Variants in ITPR1 observed in about 807,000 individuals in gnomAD.
ITPR1 encodes the protein inositol 1,4,5-trisphosphate-gated calcium channel ITPR1.
In ITPR1, 96 loss-of-function variants were observed where a neutral mutation model predicts 318.4. The observed-to-expected ratio is 0.30, with a 90% CI of 0.26 to 0.36. The LOEUF is 0.36. Ranked by LOEUF, ITPR1 falls within the 10% of genes least tolerant of loss-of-function variation. The probability of loss-of-function intolerance (pLI) is 1.00; values close to 1 mark genes in which losing one functional copy is unlikely to be tolerated. For synonymous variants in ITPR1, 1,312 were observed against 1,289.9 expected, an observed-to-expected ratio of 1.02 and a Z score of -0.37; for missense variants, 2,440 against 3,460.2, an observed-to-expected ratio of 0.71 and a Z score of 7.40.
At chr3:4,841,955 G>A (rs1271906558) in intron 61 of ITPR1, among the ~76,000 whole-genome samples, 1 of 152,202 alleles carries the variant, frequency 6.6e-6, no homozygotes, top group Non-Finnish European at 1.5e-5. Context: ...AAATAACTGT[G>A]ATTACTAGAA....
chr3:4,644,036 T>G lies in ITPR1; in HGVS notation c.526-100T>G, dbSNP rs1021442423. 1.2e-5 allele frequency: 9 copies of G among 750,612 alleles called. No individual in the cohort carries two copies. The East Asian group carries it at 2.5e-4, about 21-fold the overall frequency. The allele number at this position is 750,612 out of a possible 1,614,324, so 46.5% of individuals were successfully genotyped here. A position where few individuals can be genotyped will look rare whatever the true frequency, so the allele number is the denominator to read the frequency against. The stretch of plus-strand genomic sequence containing the variant: ...ATACTTGCTGGGGATAGGCCTTGCC[T>G]TCTTCAGCACAGACTCATATGTCTT... On this transcript the variant is annotated intron_variant, in intron 7 of 61. Transcript: ENST00000649015.
chr3:4,834,428 A>G (rs1288713615), intron 60 of ITPR1, among the ~76,000 whole-genome samples: 1 of 151,982 alleles, frequency 6.6e-6, no homozygotes, highest in Non-Finnish European at 1.5e-5. Flanking sequence ...GTCTGCAAAA[A>G]TAGGTAGCAG....
intron 3 of ITPR1, among the ~76,000 whole-genome samples, chr3:4,517,857 A>G (rs1212767878): frequency 1.3e-5 from 2 of 152,102 alleles, no homozygotes; most frequent in African/African-American, 2.4e-5. Context: ...TCTTCTTTTC[A>G]GTAATGACAG....
At chr3:4,759,086 C>T (rs560498907) in intron 44 of ITPR1, among the ~76,000 whole-genome samples, 2 of 152,304 alleles carry the variant, frequency 1.3e-5, no homozygotes, top group South Asian at 4.1e-4. Context: ...CAACTTGCAT[C>T]CAGTGATAAT....
At position 4,662,984 on chromosome 3, in the gene ITPR1, G is replaced by A. The variant is rs41289626; in HGVS notation, c.1413-81G>A. 1.6e-3 allele frequency: 2,173 copies of A among 1,329,610 alleles called. 5 individuals are homozygous for A. Among genetic ancestry groups the A allele is most frequent in the Non-Finnish European group, 1.9e-3 (1,807 of 941,844 alleles). The allele number at this position is 1,329,610 out of a possible 1,614,324, so 82.4% of individuals were successfully genotyped here. On this transcript the variant is annotated intron_variant, in intron 15 of 61. Coordinates refer to ENST00000649015, the MANE Select transcript of ITPR1 (RefSeq NM_001378452.1). ...CTGCCCCTGTTTAACTGGCTCATTC[G>A]TCCAGAAGGCTTCCAAGGCAAAGCT...
intron 2 of ITPR1, among the ~76,000 whole-genome samples, chr3:4,508,234 G>A (rs1427371404): frequency 6.6e-6 from 1 of 152,130 alleles, no homozygotes; most frequent in African/African-American, 2.4e-5. Flanking sequence ...ATTAAACGTA[G>A]GAGGCTTGCC....
At chr3:4,730,749 A>C (rs549313637) in intron 42 of ITPR1, among the ~76,000 whole-genome samples, 2 of 152,294 alleles carry the variant, frequency 1.3e-5, no homozygotes, top group African/African-American at 4.8e-5. Context: ...TCTAGCTCCA[A>C]GTGGAATCGT....
intron 36 of ITPR1, 145 bp from the exon 37 acceptor site, chr3:4,706,022 T>C: frequency 1.4e-6 from 1 of 701,534 alleles, no homozygotes; most frequent in Non-Finnish European, 2.3e-6. Context: ...TGACTTGAGC[T>C]TCTCAGTCTT....
At chr3:4,578,061 A>G (rs2088875871) in intron 4 of ITPR1, among the ~76,000 whole-genome samples, 1 of 152,358 alleles carries the variant, frequency 6.6e-6, no homozygotes, top group Admixed American at 6.5e-5. Flanking sequence ...TTGAAATATT[A>G]GCCCTTCCAG....
intron 2 of ITPR1, among the ~76,000 whole-genome samples, chr3:4,504,793 C>T (rs2081282979): frequency 6.6e-6 from 1 of 152,138 alleles, no homozygotes; most frequent in East Asian, 1.9e-4. Flanking sequence ...AAAAGTCAAC[C>T]GTAAATGCGT....
chr3:4,560,067 A>G (rs540983995), intron 4 of ITPR1, among the ~76,000 whole-genome samples: 172 of 152,298 alleles, frequency 1.1e-3, no homozygotes, highest in Non-Finnish European at 2.1e-3. Context: ...TAAAATGGAG[A>G]AAATAGTCCT....
chr3:4,697,237 A>G lies in ITPR1; in HGVS notation c.4372A>G (p.Lys1458Glu). 1 of 1,573,748 alleles carries G rather than the reference A, an allele frequency of 6.4e-7. No homozygotes were observed. The highest frequency in any genetic ancestry group is 8.6e-7 in the Non-Finnish European group (1 of 1,158,232). ...KEIYTSNHMW[K>E]LFENFLVDIC... ...GATTTATACCAGCAATCACATGTGG[A>G]AATTGTTTGAGAATTTCCTTGTAGA... Residue 1458 changes from lysine to glutamate, a missense_variant, in exon 34 of 62, where the codon AAA becomes GAA. Transcript: ENST00000649015.
intron 24 of ITPR1, among the ~76,000 whole-genome samples, chr3:4,677,465 A>G (rs111424447): frequency 0.021 from 3,244 of 152,288 alleles, 124 homozygotes; most frequent in African/African-American, 0.067. Flanking sequence ...ACATGATTAC[A>G]CACCTGAATG....
At chr3:4,719,754 C>G (rs2042014186) in intron 40 of ITPR1, among the ~76,000 whole-genome samples, 1 of 150,724 alleles carries the variant, frequency 6.6e-6, no homozygotes, top group Non-Finnish European at 1.5e-5. Context: ...TGTAGATTTC[C>G]TGCAAGAAAA....
At chr3:4,813,694 G>GA (rs1487586030) in intron 57 of ITPR1, among the ~76,000 whole-genome samples, 1 of 152,010 alleles carries the variant, frequency 6.6e-6, no homozygotes, top group Non-Finnish European at 1.5e-5. Context: ...AAGGTAAAAA[G>GA]AAAAAAACAG....
At position 4,683,693 on chromosome 3, in the gene ITPR1, A is replaced by G. The variant is rs1185118282; in HGVS notation, c.3393A>G (p.Gln1131=). 5.0e-6 allele frequency: 8 copies of G among 1,614,080 alleles called. No individual in the cohort carries two copies. The highest frequency in any genetic ancestry group is 2.2e-5 in the East Asian group (1 of 44,880). The part of the protein sequence containing the change: ...NYKQIKQDLD[Q]LRSIVEKSEL... ...AACAGATCAAACAAGACTTGGATCAACTGAGGTCCATCGTGGAAAAGTCAG... is the reference window on the plus strand; with the variant it reads ...AACAGATCAAACAAGACTTGGATCAGCTGAGGTCCATCGTGGAAAAGTCAG... The change falls in exon 28 of 62, where the codon CAA becomes CAG. Residue 1131 remains glutamine, a synonymous_variant. Coordinates refer to ENST00000649015, the MANE Select transcript of ITPR1 (RefSeq NM_001378452.1).
chr3:4,543,276 G>GA (rs575148417), intron 4 of ITPR1, among the ~76,000 whole-genome samples: 11 of 151,002 alleles, frequency 7.3e-5, no homozygotes, highest in African/African-American at 2.7e-4. Flanking sequence ...AAAAAAAAGA[G>GA]AAAAAAAAGA....
intron 42 of ITPR1, among the ~76,000 whole-genome samples, chr3:4,730,412 TGTGTG>T (rs1219119977): frequency 7.1e-6 from 1 of 141,762 alleles, no homozygotes; most frequent in Non-Finnish European, 1.5e-5. Context: ...TGTGTGTGTG[TGTGTG>T]TGTTTCCCCC....
At chr3:4,702,325 A>G (rs2094672996) in intron 35 of ITPR1, among the ~76,000 whole-genome samples, 1 of 152,242 alleles carries the variant, frequency 6.6e-6, no homozygotes, top group Admixed American at 6.5e-5. Flanking sequence ...ATAAAGAAGT[A>G]GCAGTCGAGG....
Sources: gnomAD v4.1 joint callset for allele counts (sites outside exome capture counted in the v4.1 genomes callset) on GRCh38, gnomAD v4.1.1 for gene constraint, MANE v1.5 for transcripts, NCBI Gene and HGNC (gene_info 2026-07-23, HGNC 2026-07-21) for gene names.